Variants in USO1 observed in about 807,000 individuals in gnomAD.
USO1 encodes the protein general vesicular transport factor p115.
In USO1, 57 loss-of-function variants were observed where a neutral mutation model predicts 124.5. The observed-to-expected ratio is 0.46, with a 90% CI of 0.37 to 0.57. USO1 has a LOEUF of 0.57. Among genes scored for constraint, USO1 ranks in the 20% least tolerant of loss-of-function variants. The pLI is 0.00. For missense variants in USO1, 900 were observed against 1,040.6 expected, an observed-to-expected ratio of 0.86 and a Z score of 1.86; for synonymous variants, 369 against 362.8, an observed-to-expected ratio of 1.02 and a Z score of -0.19.
intron 10 of USO1, among the ~76,000 whole-genome samples, chr4:75,789,207 T>TG (rs1722459146): frequency 6.6e-6 from 1 of 152,230 alleles, no homozygotes; most frequent in Non-Finnish European, 1.5e-5. Flanking sequence ...CACTTTCAGC[T>TG]GGAAATATAC....
intron 1 of USO1, among the ~76,000 whole-genome samples, chr4:75,739,964 G>A (rs1284274128): frequency 1.3e-5 from 2 of 152,242 alleles, no homozygotes; most frequent in Non-Finnish European, 2.9e-5. Context: ...TGTATATTAT[G>A]TAAGCATCAC....
In USO1 at chr4:75,768,857, C is replaced by T. The variant is rs796557031; in HGVS notation, c.296-1582C>T. 8.5e-5 allele frequency among the ~76,000 whole-genome samples: 13 copies of T among 152,328 alleles called. 1 individual carries two copies. Among genetic ancestry groups the T allele is most frequent in the African/African-American group, 2.6e-4 (11 of 41,574 alleles). ...ATGTGTTTATCCACACAGACTTCTCCACTGATATCTATGTTAGTATTTATC... is the reference window on the plus strand; with the variant it reads ...ATGTGTTTATCCACACAGACTTCTCTACTGATATCTATGTTAGTATTTATC... On this transcript the variant is annotated intron_variant, in intron 4 of 23. Transcript: ENST00000514213.
At chr4:75,732,758 A>G (rs1313231671) in intron 1 of USO1, among the ~76,000 whole-genome samples, 5 of 150,640 alleles carry the variant, frequency 3.3e-5, no homozygotes, top group Non-Finnish European at 5.9e-5. Flanking sequence ...CTGTGCCTGT[A>G]ATCCCAGCTA....
intron 13 of USO1, 147 bp downstream of exon 13, chr4:75,794,048 G>A: frequency 1.5e-6 from 2 of 1,298,392 alleles, no homozygotes; most frequent in South Asian, 1.6e-5. Context: ...CAGTTTTGTG[G>A]AGAAAAAGCA....
rs1217700024 is a variant in USO1 at position 75,814,091 on chromosome 4, TTAATA to T, written c.*801_*805del. 6.6e-6 allele frequency: 1 copy of T among 152,192 alleles called. No individual in the cohort carries two copies. Among genetic ancestry groups the T allele is most frequent in the African/African-American group, 2.4e-5 (1 of 41,438 alleles). The allele number at this position is 152,192 out of a possible 1,614,324, so 9.4% of individuals were successfully genotyped here. ...AGTTTTAAAAAGACCCAAAGTATGA[TTAATA>T]TAATTTATTGGCATTTTTGCTGAAT... On this transcript the variant is annotated 3_prime_UTR_variant, in exon 24 of 24. Coordinates refer to ENST00000514213, the MANE Select transcript of USO1 (RefSeq NM_003715.4).
At chr4:75,799,788 T>G (rs554556854) in intron 14 of USO1, 56 bp downstream of exon 14, 1 of 1,591,834 alleles carries the variant, frequency 6.3e-7, no homozygotes, top group Non-Finnish European at 8.6e-7. Flanking sequence ...TTTTAGTTTT[T>G]CTCCTCAATT....
In USO1 at chr4:75,790,664, C is replaced by T. The variant is rs551629692; in HGVS notation, c.1107C>T (p.Leu369=). 10 of 1,610,502 alleles carry T rather than the reference C, an allele frequency of 6.2e-6. No individual in the cohort carries two copies. Among genetic ancestry groups the T allele is most frequent in the South Asian group, 5.6e-5 (5 of 89,924 alleles). Residue 369 remains leucine, a synonymous_variant, in exon 12 of 24, where the codon CTC becomes CTT. Coordinates refer to ENST00000514213, the MANE Select transcript of USO1 (RefSeq NM_003715.4). ...NPPRPAIVVL[L]MSMVNERQPF... is the part of the protein sequence containing the mutation. ...ACAGACCGGCAATTGTAGTACTTCT[C>T]ATGTCCATGGTTAATGAAAGGCAGC...
intron 7 of USO1, among the ~76,000 whole-genome samples, chr4:75,771,526 T>G (rs947562710): frequency 4.6e-5 from 7 of 152,270 alleles, no homozygotes; most frequent in Non-Finnish European, 1.0e-4. Context: ...TAGGATTTCT[T>G]ATACTATCTG....
intron 20 of USO1, 67 bp downstream of exon 20, chr4:75,806,639 A>C: frequency 6.6e-7 from 1 of 1,510,572 alleles, no homozygotes; most frequent in South Asian, 1.3e-5. Flanking sequence ...ACAGCCCTAT[A>C]GTTTCACAAA....
At chr4:75,736,342 A>T (rs1307784624) in intron 1 of USO1, among the ~76,000 whole-genome samples, 1 of 116,816 alleles carries the variant, frequency 8.6e-6, no homozygotes, top group African/African-American at 3.7e-5. Context: ...TTTTGAGGCA[A>T]AGCCTCATTC....
chr4:75,803,087 C>CAAA (rs34627696), intron 17 of USO1, among the ~76,000 whole-genome samples: 4 of 111,510 alleles, frequency 3.6e-5, no homozygotes, highest in Non-Finnish European at 5.3e-5. Flanking sequence ...AACTCTGTCT[C>CAAA]AAAAAAAAAA....
chr4:75,769,593 C>T (rs531239013), intron 4 of USO1, among the ~76,000 whole-genome samples: 10 of 152,214 alleles, frequency 6.6e-5, no homozygotes, highest in African/African-American at 2.4e-4. Context: ...AGTATTCTGA[C>T]GCTCAGCCAA....
In USO1 at chr4:75,724,837, G is replaced by C; in HGVS notation, c.18G>C (p.Gly6=). The C allele has an allele frequency of 6.2e-7, 1 of 1,613,912 alleles. No homozygotes were observed. The highest frequency in any genetic ancestry group is 8.5e-7 in the Non-Finnish European group (1 of 1,179,832). The change falls in exon 1 of 24, where the codon GGG becomes GGC. Residue 6 remains glycine, a synonymous_variant. Coordinates refer to ENST00000514213, the MANE Select transcript of USO1 (RefSeq NM_003715.4). MNFLR[G]VMGGQSAGPQ... is the part of the protein sequence containing the mutation. ...ACGGCAAGATGAATTTCCTCCGCGG[G>C]GTAATGGGGGGTCAGAGTGCCGGAC...
intron 1 of USO1, among the ~76,000 whole-genome samples, chr4:75,751,246 C>T (rs1203154609): frequency 6.6e-6 from 1 of 150,608 alleles, no homozygotes; most frequent in African/African-American, 2.4e-5. Flanking sequence ...GAACCTCACT[C>T]TGTCACTCAG....
At chr4:75,746,396 A>G (rs1721127754) in intron 1 of USO1, among the ~76,000 whole-genome samples, 2 of 152,340 alleles carry the variant, frequency 1.3e-5, no homozygotes, top group Middle Eastern at 3.4e-3. Flanking sequence ...AGAAGGATAG[A>G]ATGGACAATG....
chr4:75,778,949 A>G (rs1053353219), intron 8 of USO1, among the ~76,000 whole-genome samples: 27 of 152,196 alleles, frequency 1.8e-4, no homozygotes, highest in African/African-American at 6.5e-4. Flanking sequence ...CCTGCATTGA[A>G]TAAGTCTGTT....
At chr4:75,810,572 T>C in intron 22 of USO1, 33 bp downstream of exon 22, 4 of 1,570,404 alleles carry the variant, frequency 2.5e-6, no homozygotes, top group Non-Finnish European at 3.4e-6. Context: ...ATTTACTGCA[T>C]ATGATATGAA....
intron 1 of USO1, among the ~76,000 whole-genome samples, chr4:75,740,073 C>T (rs192262198): frequency 6.6e-6 from 1 of 152,226 alleles, no homozygotes; most frequent in Non-Finnish European, 1.5e-5. Flanking sequence ...GTAGCTCACA[C>T]ATGTAATCCT....
chr4:75,810,349 G>C, intron 21 of USO1, 83 bp from the exon 22 acceptor site: 1 of 1,405,436 alleles, frequency 7.1e-7, no homozygotes, highest in Non-Finnish European at 9.4e-7. Context: ...TATCAAAATG[G>C]CAAAAAAATT....
Sources: gnomAD v4.1 joint callset for allele counts (sites outside exome capture counted in the v4.1 genomes callset) on GRCh38, gnomAD v4.1.1 for gene constraint, MANE v1.5 for transcripts, NCBI Gene and HGNC (gene_info 2026-07-23, HGNC 2026-07-21) for gene names.